The following GPR39 variants were observed in gnomAD, a reference collection of about 807,000 sequenced individuals.
GPR39 encodes the protein G protein-coupled receptor 39, also known as zinc sensing receptor.
Under a neutral mutation model 18.4 loss-of-function variants are expected in GPR39, and 23 were observed. The observed-to-expected ratio is 1.25, with a 90% CI of 0.90 to 1.77. GPR39 has a LOEUF of 1.77. Among genes scored for constraint, GPR39 ranks in the 40% most tolerant of loss-of-function variants. GPR39 has a pLI of 0.00. For synonymous variants in GPR39, 280 were observed against 257.9 expected, an observed-to-expected ratio of 1.09 and a Z score of -0.82; for missense variants, 647 against 602.4, an observed-to-expected ratio of 1.07 and a Z score of -0.78.
At chr2:132,616,597 T>A (rs896000283) in intron 1 of GPR39, among the ~76,000 whole-genome samples, 1 of 152,168 alleles carries the variant, frequency 6.6e-6, no homozygotes, top group African/African-American at 2.4e-5. Context: ...TGCTTCTCTC[T>A]CCATGTTCCA....
At chr2:132,557,985 T>C (rs1222812916) in intron 1 of GPR39, among the ~76,000 whole-genome samples, 3 of 131,534 alleles carry the variant, frequency 2.3e-5, no homozygotes, top group Non-Finnish European at 4.9e-5. Context: ...TGAGTGGTGG[T>C]GGTGGTGGGG....
At chr2:132,619,838 CACACACACACACACACACAG>C (rs1264733187) in intron 1 of GPR39, among the ~76,000 whole-genome samples, 2 of 137,544 alleles carry the variant, frequency 1.5e-5, no homozygotes, top group African/African-American at 6.6e-5. Context: ...CAGACACACA[CACACACACACACACACACAG>C]ACACACACAC....
intron 1 of GPR39, among the ~76,000 whole-genome samples, chr2:132,469,306 C>T (rs972036222): frequency 6.6e-6 from 1 of 152,194 alleles, no homozygotes; most frequent in East Asian, 1.9e-4. Context: ...GCAACTCATA[C>T]ATAATTTCCT....
chr2:132,443,241 T>G (rs1396440925), intron 1 of GPR39, among the ~76,000 whole-genome samples: 1 of 152,204 alleles, frequency 6.6e-6, no homozygotes, highest in Non-Finnish European at 1.5e-5. Context: ...GTTAGTTTTG[T>G]GAAACAAATA....
At chr2:132,439,486 A>C (rs948858629) in intron 1 of GPR39, among the ~76,000 whole-genome samples, 3 of 152,242 alleles carry the variant, frequency 2.0e-5, no homozygotes, top group African/African-American at 7.2e-5. Flanking sequence ...CAGGAAAATT[A>C]GATGCCTTTG....
intron 1 of GPR39, among the ~76,000 whole-genome samples, chr2:132,418,980 G>A (rs984814309): frequency 2.0e-5 from 3 of 152,182 alleles, no homozygotes; most frequent in Non-Finnish European, 4.4e-5. Context: ...ACAGGAGGTA[G>A]ACATGAGAGA....
chr2:132,591,545 C>T (rs1280193295), intron 1 of GPR39, among the ~76,000 whole-genome samples: 3 of 152,168 alleles, frequency 2.0e-5, no homozygotes, highest in Non-Finnish European at 4.4e-5. Context: ...GGGACTTCAC[C>T]TTGTGATCGT....
rs541756771 is a variant in GPR39, at chr2:132,570,766, T to A, written c.857-74335T>A. 3.9e-5 allele frequency among the ~76,000 whole-genome samples: 6 copies of A among 152,262 alleles called. No individual in the cohort carries two copies. The South Asian group carries it at 1.2e-3, about 32-fold the overall frequency. ...CTCCCCAGGGGCACAGTTGACTTCCTTGTGACCAAATCCAGAATCTCCCTG... is the reference window on the plus strand; with the variant it reads ...CTCCCCAGGGGCACAGTTGACTTCCATGTGACCAAATCCAGAATCTCCCTG... On this transcript the variant is annotated intron_variant, in intron 1 of 1. Transcript: ENST00000329321.
chr2:132,509,524 A>G (rs1472087147), intron 1 of GPR39, among the ~76,000 whole-genome samples: 1 of 152,236 alleles, frequency 6.6e-6, no homozygotes, highest in African/African-American at 2.4e-5. Context: ...ATACATTCAG[A>G]CATAGAGACA....
intron 1 of GPR39, among the ~76,000 whole-genome samples, chr2:132,503,897 G>A (rs1210446082): frequency 2.0e-5 from 3 of 152,152 alleles, no homozygotes; most frequent in African/African-American, 7.2e-5. Context: ...GCTGTCATAG[G>A]CCTCACCCTG....
intron 1 of GPR39, among the ~76,000 whole-genome samples, chr2:132,589,434 T>C (rs1031268160): frequency 4.6e-5 from 7 of 152,250 alleles, no homozygotes; most frequent in African/African-American, 1.7e-4. Context: ...AGAGATGTAA[T>C]TTCAATTAAC....
intron 1 of GPR39, among the ~76,000 whole-genome samples, chr2:132,457,005 C>G (rs1043606620): frequency 4.6e-5 from 7 of 152,130 alleles, no homozygotes; most frequent in African/African-American, 1.7e-4. Flanking sequence ...CTTTATATTT[C>G]CTGAATTGGA....
At chr2:132,520,928 C>A (rs976067064) in intron 1 of GPR39, among the ~76,000 whole-genome samples, 1 of 152,134 alleles carries the variant, frequency 6.6e-6, no homozygotes. Context: ...GTTAGAATTG[C>A]AATCTGTTGT....
In GPR39 at chr2:132,645,176, A is replaced by G. The variant is rs759995225; in HGVS notation, c.932A>G (p.Lys311Arg). 2.5e-6 allele frequency: 4 copies of G among 1,614,160 alleles called. No individual in the cohort carries two copies. In the South Asian group the frequency reaches 4.4e-5, roughly 18 times the overall value. Residue 311 changes from lysine (K) to arginine (R), a missense_variant, in exon 2 of 2, where the codon AAG (lysine) becomes AGG (arginine). This residue lies in a region of GPR39 where 581 missense variants were observed against 506.8 expected (regional missense o/e 1.15). Coordinates refer to ENST00000329321, the MANE Select transcript of GPR39 (RefSeq NM_001508.3). ...AGGATCATGGCTGCGGCCAAACCCA[A>G]GCACGACTGGACGAGGTCCTACTTC... ...IRRIMAAAKPKHDWTRSYFRA... is the reference protein window; with the variant it reads ...IRRIMAAAKPRHDWTRSYFRA...
At chr2:132,518,848 T>A (rs59776125) in intron 1 of GPR39, among the ~76,000 whole-genome samples, 1 of 152,338 alleles carries the variant, frequency 6.6e-6, no homozygotes, top group East Asian at 1.9e-4. Context: ...TTGTAGTAAG[T>A]CTTCAAAATC....
At chr2:132,616,937 A>G (rs897178776) in intron 1 of GPR39, among the ~76,000 whole-genome samples, 1 of 152,148 alleles carries the variant, frequency 6.6e-6, no homozygotes, top group African/African-American at 2.4e-5. Flanking sequence ...CTTCCTCCAG[A>G]AGTTTCTGTA....
intron 1 of GPR39, among the ~76,000 whole-genome samples, chr2:132,455,398 G>T (rs1425888846): frequency 3.3e-5 from 5 of 152,076 alleles, no homozygotes; most frequent in Non-Finnish European, 7.4e-5. Flanking sequence ...CTTGCTAGTG[G>T]TCTATCAATT....
intron 1 of GPR39, among the ~76,000 whole-genome samples, chr2:132,564,810 CTT>C (rs948881403): frequency 1.4e-3 from 131 of 95,440 alleles, no homozygotes; most frequent in Admixed American, 2.7e-3. Context: ...TTTCTTTTTT[CTT>C]TTTTTTTTTT....
chr2:132,489,586 G>A (rs190667115), intron 1 of GPR39, among the ~76,000 whole-genome samples: 22 of 152,104 alleles, frequency 1.4e-4, no homozygotes, highest in African/African-American at 5.1e-4. Context: ...TGCAGGTACC[G>A]GGTAAGGAAA....
Sources: allele counts gnomAD v4.1 joint callset (sites outside exome capture counted in the v4.1 genomes callset), GRCh38; gene constraint gnomAD v4.1.1; regional missense constraint gnomAD v4.1.1; transcripts MANE v1.5; gene names NCBI Gene and HGNC (gene_info 2026-07-23, HGNC 2026-07-21).